Variants in RRAS2 observed in about 807,000 individuals in gnomAD.
RRAS2 encodes RAS related 2.
Under a neutral mutation model 27.6 loss-of-function variants are expected in RRAS2, and 7 were observed. That is an observed-to-expected ratio of 0.25 (90% CI 0.14 to 0.48). RRAS2 has a LOEUF of 0.48. Ranked by LOEUF, RRAS2 falls within the 20% of genes least tolerant of loss-of-function variation. The pLI is 0.99. For synonymous variants in RRAS2, 86 were observed against 90.9 expected (o/e 0.95, Z 0.31); for missense variants, 178 against 256.2 (o/e 0.69, Z 2.08).
chr11:14,302,252 TTCCAGTTTAAGACAG>T (rs1847735287), intron 1 of RRAS2, among the ~76,000 whole-genome samples: 1 of 152,178 alleles, frequency 6.6e-6, no homozygotes, highest in Non-Finnish European at 1.5e-5. Context: ...CTCTGCTCCC[TTCCAGTTTAAGACAG>T]CATTTCCCTA....
At chr11:14,340,345 G>A (rs1440917906) in intron 1 of RRAS2, among the ~76,000 whole-genome samples, 1 of 151,686 alleles carries the variant, frequency 6.6e-6, no homozygotes, top group African/African-American at 2.4e-5. Context: ...AAGTGATCCA[G>A]CTGCCTCGGC....
chr11:14,327,416 T>C (rs568050814), intron 1 of RRAS2, among the ~76,000 whole-genome samples: 8 of 152,290 alleles, frequency 5.3e-5, no homozygotes, highest in South Asian at 2.1e-4. Flanking sequence ...TACTTACACA[T>C]TGGGAGGAAG....
chr11:14,341,886 T>C (rs1486604346), intron 1 of RRAS2: 7 of 451,368 alleles, frequency 1.6e-5, no homozygotes, highest in Non-Finnish European at 3.1e-5. Context: ...TTCCCCTCTC[T>C]CCTCCCCCAA....
chr11:14,358,397 T>C lies in RRAS2; in HGVS notation c.108+366A>G. On this transcript the variant is annotated intron_variant, in intron 1 of 5. Transcript: ENST00000256196. The surrounding 1 kb of genome is among the most constrained non-coding windows in gnomAD (Gnocchi z 5.1). ...GAAAAGCAGCGCGCGGGGCTCCAGC[T>C]CCAGCCCCACGCCCGGACCCTCGGA... 3 of 984,898 alleles carry C rather than the reference T, an allele frequency of 3.0e-6. No individual in the cohort carries two copies. Among genetic ancestry groups the C allele is most frequent in the Non-Finnish European group, 3.6e-6 (3 of 829,958 alleles). The allele number at this position is 984,898 out of a possible 1,614,324, so 61.0% of individuals were successfully genotyped here. A position where few individuals can be genotyped will look rare whatever the true frequency, so the allele number is the denominator to read the frequency against.
chr11:14,329,616 T>C (rs1299841319), intron 1 of RRAS2, among the ~76,000 whole-genome samples: 11 of 152,198 alleles, frequency 7.2e-5, no homozygotes, highest in African/African-American at 2.7e-4. Context: ...ATTCCTGCAG[T>C]AAACAGCAAA....
chr11:14,350,639 T>A (rs910339235), intron 1 of RRAS2, among the ~76,000 whole-genome samples: 2 of 152,080 alleles, frequency 1.3e-5, no homozygotes, highest in African/African-American at 2.4e-5. Flanking sequence ...TGAGCCACAC[T>A]GGAAGAACTG....
intron 1 of RRAS2, among the ~76,000 whole-genome samples, chr11:14,340,553 G>A (rs1848683431): frequency 6.6e-6 from 1 of 152,154 alleles, no homozygotes; most frequent in African/African-American, 2.4e-5. Flanking sequence ...GGAATGAGAA[G>A]AATGGCTCTG....
rs544321955 is a variant in RRAS2 at position 14,358,508 on chromosome 11, C to T, written c.108+255G>A. ...AATAAGGTGGATCGGTGCTTCCCAC[C>T]CTTCCAGCTCCGCCCTCCCGACCAC... On this transcript the variant is annotated intron_variant, in intron 1 of 5. Transcript: ENST00000256196. This position sits in a 1 kb window ranked among gnomAD's most constrained non-coding sequence, Gnocchi z 5.1. 3.8e-4 allele frequency: 372 copies of T among 985,880 alleles called. No individual in the cohort carries two copies. The highest frequency in any genetic ancestry group is 3.7e-3 in the Middle Eastern group (7 of 1,914). 61.1% of individuals were successfully genotyped at this position (985,880 alleles called of 1,614,324 possible). A position where few individuals can be genotyped will look rare whatever the true frequency, so the allele number is the denominator to read the frequency against.
At chr11:14,337,455 C>T (rs1369291752) in intron 1 of RRAS2, among the ~76,000 whole-genome samples, 1 of 152,204 alleles carries the variant, frequency 6.6e-6, no homozygotes, top group Non-Finnish European at 1.5e-5. Context: ...AACAATGCAA[C>T]ATCACAATGC....
intron 1 of RRAS2, among the ~76,000 whole-genome samples, chr11:14,333,933 C>T (rs1848537877): frequency 6.6e-6 from 1 of 152,318 alleles, no homozygotes; most frequent in South Asian, 2.1e-4. Flanking sequence ...CACAGCCCCG[C>T]CCTTACTTTT....
chr11:14,289,617 A>G (rs573806433), intron 4 of RRAS2, among the ~76,000 whole-genome samples: 3 of 152,216 alleles, frequency 2.0e-5, no homozygotes, highest in South Asian at 2.1e-4. Context: ...AATTCTACAG[A>G]TATCTTTTTA....
intron 1 of RRAS2, among the ~76,000 whole-genome samples, chr11:14,325,966 T>A (rs1848347383): frequency 6.6e-6 from 1 of 152,176 alleles, no homozygotes; most frequent in Non-Finnish European, 1.5e-5. Context: ...TGAAGGAGGA[T>A]CAAGTCTGGA....
At chr11:14,330,509 A>G (rs530812951) in intron 1 of RRAS2, among the ~76,000 whole-genome samples, 1 of 152,292 alleles carries the variant, frequency 6.6e-6, no homozygotes, top group African/African-American at 2.4e-5. Flanking sequence ...CCCTGTTTCA[A>G]TTAAAAAACA....
chr11:14,359,558 C>T (rs1849161107), upstream of RRAS2, among the ~76,000 whole-genome samples: 1 of 152,110 alleles, frequency 6.6e-6, no homozygotes, highest in Non-Finnish European at 1.5e-5. Flanking sequence ...CAGTATGTGA[C>T]AGTGATTGAG....
chr11:14,359,105 G>T lies in RRAS2; in HGVS notation c.-235C>A. 8.5e-6 allele frequency: 9 copies of T among 1,061,586 alleles called. No individual in the cohort carries two copies. The highest frequency in any genetic ancestry group is 1.0e-5 in the Non-Finnish European group (9 of 880,190). The allele number at this position is 1,061,586 out of a possible 1,614,324, so 65.8% of individuals were successfully genotyped here. A position where few individuals can be genotyped will look rare whatever the true frequency, so the allele number is the denominator to read the frequency against. ...GACGGCACGGGCCAGGGGCGGCAGCGGCCGGGGGGCGCGCTCCTCTACGCG... is the reference window on the plus strand; with the variant it reads ...GACGGCACGGGCCAGGGGCGGCAGCTGCCGGGGGGCGCGCTCCTCTACGCG... On this transcript the variant is annotated 5_prime_UTR_variant, in exon 1 of 6. Coordinates refer to ENST00000256196, the MANE Select transcript of RRAS2 (RefSeq NM_012250.6).
At position 14,279,192 on chromosome 11, in the gene RRAS2, G is replaced by A. The variant is rs1282487926; in HGVS notation, c.*145C>T. ...AAATGACCATTGTATTAGCTTCACAGAAAGGACTAGCCAGCTTCTTCGTCT... is the reference window on the plus strand; with the variant it reads ...AAATGACCATTGTATTAGCTTCACAAAAAGGACTAGCCAGCTTCTTCGTCT... On this transcript the variant is annotated 3_prime_UTR_variant, in exon 6 of 6. Coordinates refer to ENST00000256196, the MANE Select transcript of RRAS2 (RefSeq NM_012250.6). 2.1e-5 allele frequency: 13 copies of A among 633,410 alleles called. No homozygotes were observed. In the Admixed American group the frequency reaches 3.6e-4, roughly 18 times the overall value. The allele number at this position is 633,410 out of a possible 1,614,324, so 39.2% of individuals were successfully genotyped here.
intron 1 of RRAS2, among the ~76,000 whole-genome samples, chr11:14,317,922 G>C (rs1210743213): frequency 1.3e-5 from 2 of 152,102 alleles, no homozygotes; most frequent in Non-Finnish European, 2.9e-5. Context: ...CAGAGTGAGA[G>C]AATGTCTCTA....
chr11:14,280,779 T>C (rs1428251588), intron 5 of RRAS2, among the ~76,000 whole-genome samples: 1 of 134,318 alleles, frequency 7.4e-6, no homozygotes, highest in Non-Finnish European at 1.5e-5. Context: ...CACATTCCTA[T>C]CAAACTGTCT....
chr11:14,306,053 G>A (rs1431829111), intron 1 of RRAS2, among the ~76,000 whole-genome samples: 2 of 148,282 alleles, frequency 1.3e-5, no homozygotes, highest in Admixed American at 6.8e-5. Context: ...CCCCACCGCC[G>A]CCCCCACCCC....
Sources: gnomAD v4.1 joint callset for allele counts (sites outside exome capture counted in the v4.1 genomes callset) on GRCh38, gnomAD v4.1.1 for gene constraint, Gnocchi (gnomAD v3.1) non-coding constraint, MANE v1.5 for transcripts, NCBI Gene and HGNC (gene_info 2026-07-23, HGNC 2026-07-21) for gene names.